MCCC1: variants seen among roughly 807,000 people sequenced by gnomAD.
MCCC1 encodes methylcrotonoyl-CoA carboxylase subunit alpha, mitochondrial.
Under a neutral mutation model 83.8 loss-of-function variants are expected in MCCC1, and 64 were observed. The ratio of observed to expected loss-of-function variants is 0.76; its 90% CI spans 0.62 to 0.94. The LOEUF is 0.94. MCCC1 is among the 40% of genes least tolerant of loss of function. The pLI, the probability that MCCC1 is intolerant of heterozygous loss-of-function variation, is 0.00. For missense variants in MCCC1, 807 were observed against 904.7 expected, an observed-to-expected ratio of 0.89 and a Z score of 1.39; for synonymous variants, 322 against 315.4, an observed-to-expected ratio of 1.02 and a Z score of -0.22.
chr3:183,086,838 T>C (rs756852055), intron 3 of MCCC1, 50 bp from the exon 4 acceptor site: 45 of 1,500,824 alleles, frequency 3.0e-5, no homozygotes, highest in Non-Finnish European at 7.4e-6. Context: ...TAGTACATAC[T>C]CATACACTAT....
intron 16 of MCCC1, among the ~76,000 whole-genome samples, chr3:183,022,033 C>T (rs186483904): frequency 5.8e-4 from 88 of 152,222 alleles, no homozygotes; most frequent in African/African-American, 2.1e-3. Flanking sequence ...GTGGTCACCT[C>T]CTCCAAAATC....
At chr3:183,086,990 G>C (rs573600300) in intron 3 of MCCC1, among the ~76,000 whole-genome samples, 4 of 152,304 alleles carry the variant, frequency 2.6e-5, no homozygotes, top group Non-Finnish European at 5.9e-5. Context: ...TGCATGAAGA[G>C]GGTAACAAAA....
intron 4 of MCCC1, among the ~76,000 whole-genome samples, chr3:183,084,109 T>C (rs1717714088): frequency 6.6e-6 from 1 of 152,254 alleles, no homozygotes; most frequent in Non-Finnish European, 1.5e-5. Context: ...TCTTGCTATC[T>C]TCTACAGGCT....
intron 13 of MCCC1, among the ~76,000 whole-genome samples, chr3:183,035,162 A>G (rs887932243): frequency 8.5e-5 from 13 of 152,150 alleles, no homozygotes; most frequent in Non-Finnish European, 1.5e-4. Context: ...TTTATTCTGA[A>G]CCTCATATCT....
intron 1 of MCCC1, among the ~76,000 whole-genome samples, chr3:183,114,139 C>G (rs1465247084): frequency 1.3e-5 from 2 of 152,114 alleles, no homozygotes; most frequent in African/African-American, 4.8e-5. Flanking sequence ...TCCGCAGTGC[C>G]CAAGAATTCG....
rs1379075257 is a variant in MCCC1 at position 183,015,408 on chromosome 3, C to T, written c.*30G>A. The T allele has an allele frequency of 2.5e-6, 4 of 1,613,638 alleles. No individual in the cohort carries two copies. The highest frequency in any genetic ancestry group is 3.4e-6 in the Non-Finnish European group (4 of 1,179,784). On this transcript the variant is annotated 3_prime_UTR_variant, in exon 19 of 19. Coordinates refer to ENST00000265594, the MANE Select transcript of MCCC1 (RefSeq NM_020166.5). ...CTCTTTTTGGTGGAGAGAGAAGACA[C>T]TACTTAACTGGCCATTTCCTTGCTG...
chr3:183,062,765 T>C (rs1030272808), intron 7 of MCCC1, among the ~76,000 whole-genome samples: 2 of 152,186 alleles, frequency 1.3e-5, no homozygotes, highest in Admixed American at 6.5e-5. Context: ...ATCAGTCTTA[T>C]TTACCTTTTT....
intron 3 of MCCC1, among the ~76,000 whole-genome samples, chr3:183,090,328 G>A (rs1422920175): frequency 1.3e-5 from 2 of 152,186 alleles, no homozygotes; most frequent in South Asian, 2.1e-4. Flanking sequence ...CTAGTAGAGA[G>A]TGGTTGAAGA....
intron 3 of MCCC1, chr3:183,091,074 A>C (rs79813804): frequency 2.4e-4 from 109 of 456,440 alleles, no homozygotes; most frequent in African/African-American, 2.1e-3. Context: ...GTTGGAATGA[A>C]GCGAAACAAG....
intron 11 of MCCC1, among the ~76,000 whole-genome samples, chr3:183,039,982 G>A (rs1713938193): frequency 6.6e-6 from 1 of 151,180 alleles, no homozygotes; most frequent in Non-Finnish European, 1.5e-5. Flanking sequence ...TGTAATTCCA[G>A]CTACTCAGGA....
At chr3:183,109,055 G>A (rs887298932) in intron 1 of MCCC1, among the ~76,000 whole-genome samples, 1 of 152,106 alleles carries the variant, frequency 6.6e-6, no homozygotes, top group East Asian at 1.9e-4. Flanking sequence ...GCAGTGGCGC[G>A]ATCTCGGCTC....
chr3:183,056,761 T>A (rs1272246507), intron 8 of MCCC1, among the ~76,000 whole-genome samples: 1 of 152,208 alleles, frequency 6.6e-6, no homozygotes, highest in Non-Finnish European at 1.5e-5. Flanking sequence ...TGGCGTGATC[T>A]CGGCTCACTG....
intron 9 of MCCC1, among the ~76,000 whole-genome samples, chr3:183,045,860 G>A (rs1577285014): frequency 6.6e-6 from 1 of 152,156 alleles, no homozygotes; most frequent in South Asian, 2.1e-4. Flanking sequence ...AAGATCCTGG[G>A]AGCCTCATAC....
At chr3:183,071,869 A>ATT (rs377212072) in intron 5 of MCCC1, among the ~76,000 whole-genome samples, 8,126 of 132,732 alleles carry the variant, frequency 0.061, 801 homozygotes, top group African/African-American at 0.19. Context: ...ACCCAGCTGA[A>ATT]TTTTTTTTTT....
intron 3 of MCCC1, among the ~76,000 whole-genome samples, chr3:183,092,131 T>C (rs979533954): frequency 5.9e-5 from 9 of 152,162 alleles, no homozygotes; most frequent in African/African-American, 2.2e-4. Context: ...CTACTCAAAG[T>C]GTAGTCAGTG....
At chr3:183,058,526 G>GCGGCT (rs1715595879) in intron 7 of MCCC1, among the ~76,000 whole-genome samples, 2 of 152,100 alleles carry the variant, frequency 1.3e-5, no homozygotes, top group Non-Finnish European at 2.9e-5. Context: ...GGAGGCTCAG[G>GCGGCT]CAGGAGGATT....
At chr3:183,087,741 G>A (rs1052847993) in intron 3 of MCCC1, among the ~76,000 whole-genome samples, 3 of 150,110 alleles carry the variant, frequency 2.0e-5, no homozygotes, top group Non-Finnish European at 1.5e-5. Flanking sequence ...CGTGGTGGTC[G>A]GCACCCGTAG....
chr3:183,074,511 G>T (rs1044768693), intron 4 of MCCC1, among the ~76,000 whole-genome samples: 7 of 151,974 alleles, frequency 4.6e-5, no homozygotes, highest in Non-Finnish European at 8.8e-5. Flanking sequence ...AAAACACAAA[G>T]GTTCAGCCAA....
chr3:183,022,491 T>C lies in MCCC1; in HGVS notation c.1795A>G (p.Lys599Glu), dbSNP rs1196007062. The change falls in exon 16 of 19, where the codon AAA becomes GAA. Residue 599 changes from lysine to glutamate, a missense_variant. Lys to Glu is a moderately conservative substitution (Grantham distance 56). Coordinates refer to ENST00000265594, the MANE Select transcript of MCCC1 (RefSeq NM_020166.5). ...CTAGCAACTCCATTAACAGAACATTTCAGGTAAGTGCAGTCTCCCTCGCTG... is the reference window on the plus strand; with the variant it reads ...CTAGCAACTCCATTAACAGAACATTCCAGGTAAGTGCAGTCTCCCTCGCTG... ...LYSEGDCTYL[K>E]CSVNGVASKA... 4 of 1,614,030 alleles carry C rather than the reference T, an allele frequency of 2.5e-6. No individual in the cohort carries two copies. The highest frequency in any genetic ancestry group is 3.4e-6 in the Non-Finnish European group (4 of 1,179,902).
Sources: allele counts gnomAD v4.1 joint callset (sites outside exome capture counted in the v4.1 genomes callset), GRCh38; gene constraint gnomAD v4.1.1; transcripts MANE v1.5; gene names NCBI Gene and HGNC (gene_info 2026-07-23, HGNC 2026-07-21).